The following CASTOR2 variants were observed in gnomAD, a reference collection of about 807,000 sequenced individuals.
CASTOR2 encodes cytosolic arginine sensor for mTORC1 subunit 2, also known as GATS protein like 2.
A neutral mutation model predicts 31.2 loss-of-function variants in CASTOR2; 8 were observed. That is an observed-to-expected ratio of 0.26 (90% confidence interval 0.15 to 0.46). The LOEUF is 0.46. Among genes scored for constraint, CASTOR2 ranks in the 20% least tolerant of loss-of-function variants. The pLI, the probability that CASTOR2 is intolerant of heterozygous loss-of-function variation, is 0.99. For missense variants in CASTOR2, 216 were observed against 382.1 expected, an observed-to-expected ratio of 0.57 and a Z score of 3.62; for synonymous variants, 162 against 158.7, an observed-to-expected ratio of 1.02 and a Z score of -0.16.
Position 74,996,035 on chromosome 7 carries a change from G to C in CASTOR2, c.114-11959G>C, listed in dbSNP as rs1393688050. On this transcript the variant is annotated intron_variant, in intron 1 of 8. Transcript: ENST00000616305. ...TTCTGAGAGGGTGCCCTCCCCAGTT[G>C]GTCTGTGTCTTAGGAAATCTGGGGT... Among the ~76,000 whole-genome samples the C allele has an allele frequency of 9.1e-4, 139 of 152,198 alleles. 1 individual carries two copies. The highest frequency in any genetic ancestry group is 3.2e-3 in the African/African-American group (131 of 41,530).
chr7:75,022,338 C>T (rs2131957655), intron 7 of CASTOR2, among the ~76,000 whole-genome samples: 1 of 152,192 alleles, frequency 6.6e-6, no homozygotes, highest in East Asian at 1.9e-4. Flanking sequence ...GGCCCTGTCT[C>T]TACCAAAATT....
chr7:75,023,499 G>T (rs1189650899), intron 7 of CASTOR2, among the ~76,000 whole-genome samples: 1 of 144,898 alleles, frequency 6.9e-6, no homozygotes, highest in Non-Finnish European at 1.5e-5. Context: ...TTTGAGACCG[G>T]ATCTTGCTCT....
At chr7:75,009,683 T>TA (rs1804694144) in intron 2 of CASTOR2, among the ~76,000 whole-genome samples, 1 of 150,884 alleles carries the variant, frequency 6.6e-6, no homozygotes, top group Non-Finnish European at 1.5e-5. Flanking sequence ...ACCCCATGTG[T>TA]GTACAGCCAC....
chr7:75,007,533 T>C (rs1177773026), intron 1 of CASTOR2, among the ~76,000 whole-genome samples: 1 of 151,936 alleles, frequency 6.6e-6, no homozygotes, highest in Non-Finnish European at 1.5e-5. Context: ...GAATTAGGCA[T>C]TTTTATGACT....
chr7:74,999,906 C>T (rs1804454019), intron 1 of CASTOR2, among the ~76,000 whole-genome samples: 1 of 152,250 alleles, frequency 6.6e-6, no homozygotes, highest in Non-Finnish European at 1.5e-5. Flanking sequence ...AGCCACTGCG[C>T]CCGGCCACTC....
At chr7:75,006,439 G>A (rs1804607539) in intron 1 of CASTOR2, among the ~76,000 whole-genome samples, 1 of 152,168 alleles carries the variant, frequency 6.6e-6, no homozygotes, top group Admixed American at 6.5e-5. Context: ...TATAGATGAG[G>A]GGGCTGCAGG....
intron 1 of CASTOR2, among the ~76,000 whole-genome samples, chr7:74,992,868 A>T (rs1554437511): frequency 0.099 from 14,933 of 150,478 alleles, 2,449 homozygotes; most frequent in African/African-American, 0.34. Context: ...GCACCACTGC[A>T]CTCCAGCCTG....
Position 75,024,818 on chromosome 7 carries a change from T to C in CASTOR2, c.*119T>C. On this transcript the variant is annotated 3_prime_UTR_variant, in exon 9 of 9. Transcript: ENST00000616305. ...GCCTGGGGACCCTGAGGAAGGGGCC[T>C]CTGTGGGAGACTCCCTCGATTGCCA... 6.5e-7 allele frequency: 1 copy of C among 1,548,742 alleles called. No individual in the cohort carries two copies.
At chr7:75,013,472 GT>G (rs372209173) in intron 2 of CASTOR2, among the ~76,000 whole-genome samples, 16,954 of 151,802 alleles carry the variant, frequency 0.11, 3,119 homozygotes, top group African/African-American at 0.38. Context: ...GCAAAGCCCC[GT>G]CTCTACAAAC....
At chr7:74,998,590 G>C in intron 1 of CASTOR2, among the ~76,000 whole-genome samples, 1 of 111,438 alleles carries the variant, frequency 9.0e-6, no homozygotes, top group Non-Finnish European at 1.9e-5. Context: ...GCGACAGTGA[G>C]ACTCCATCTC....
rs1394104390 is a variant in CASTOR2 at position 75,027,048 on chromosome 7, C to T, written c.*2349C>T. Reference sequence around the variant, plus strand: ...GTGCGCAGTCCGTGGACACAGCCCCCCGCTGTGTGTGCACACGTGTATGGG... The same window carrying T: ...GTGCGCAGTCCGTGGACACAGCCCCTCGCTGTGTGTGCACACGTGTATGGG... On this transcript the variant is annotated 3_prime_UTR_variant, in exon 9 of 9. Coordinates refer to ENST00000616305, the MANE Select transcript of CASTOR2 (RefSeq NM_001145064.3). 1.3e-5 allele frequency: 2 copies of T among 152,236 alleles called. No individual in the cohort carries two copies. The highest frequency in any genetic ancestry group is 4.8e-5 in the African/African-American group (2 of 41,456). The allele number at this position is 152,236 out of a possible 1,614,324, so 9.4% of individuals were successfully genotyped here. A position where few individuals can be genotyped will look rare whatever the true frequency, so the allele number is the denominator to read the frequency against.
chr7:74,994,093 GC>G (rs1176399927), intron 1 of CASTOR2, among the ~76,000 whole-genome samples: 3 of 152,190 alleles, frequency 2.0e-5, no homozygotes, highest in African/African-American at 4.8e-5. Context: ...TGTCAGCCGG[GC>G]CGTCCACAAC....
At chr7:74,981,684 C>G (rs1554436291) in intron 1 of CASTOR2, among the ~76,000 whole-genome samples, 1 of 151,442 alleles carries the variant, frequency 6.6e-6, no homozygotes, top group East Asian at 1.9e-4. Flanking sequence ...ACCTTGGCCT[C>G]CTAAAGTGCT....
chr7:74,986,257 G>GT, intron 1 of CASTOR2, among the ~76,000 whole-genome samples: 1 of 150,664 alleles, frequency 6.6e-6, no homozygotes, highest in Non-Finnish European at 1.5e-5. Context: ...CATGCCTGTG[G>GT]GGGGTGGATC....
intron 2 of CASTOR2, among the ~76,000 whole-genome samples, chr7:75,015,854 G>A (rs1199725162): frequency 2.0e-5 from 3 of 152,042 alleles, no homozygotes; most frequent in Admixed American, 1.3e-4. Flanking sequence ...ATCACTTGAG[G>A]CCAGGAGTTT....
intron 1 of CASTOR2, among the ~76,000 whole-genome samples, chr7:74,967,810 C>T (rs1242653847): frequency 1.8e-5 from 1 of 56,004 alleles, no homozygotes; most frequent in African/African-American, 7.5e-5. Flanking sequence ...GCTGGGATTA[C>T]AGGCGTGAGC....
chr7:74,986,975 G>C (rs1265199705), intron 1 of CASTOR2, among the ~76,000 whole-genome samples: 19 of 152,190 alleles, frequency 1.2e-4, no homozygotes, highest in African/African-American at 4.3e-4. Context: ...AGAATCTCTT[G>C]AGCCCAGGAG....
At position 75,026,194 on chromosome 7, in the gene CASTOR2, T is replaced by A. The variant is rs1201108080; in HGVS notation, c.*1495T>A. Among the ~76,000 whole-genome samples, 2 of 145,684 alleles carry A rather than the reference T, an allele frequency of 1.4e-5. No individual in the cohort carries two copies. Among genetic ancestry groups the A allele is most frequent in the Non-Finnish European group, 3.0e-5 (2 of 65,692 alleles). ...TGGTTTTGGCTCTGGCGGGGGTTTT[T>A]TTTTTTTTTTTTGAGATGGGAGTCT... On this transcript the variant is annotated 3_prime_UTR_variant, in exon 9 of 9. Transcript: ENST00000616305.
intron 2 of CASTOR2, among the ~76,000 whole-genome samples, chr7:75,012,746 C>T (rs1421370949): frequency 6.6e-6 from 1 of 152,070 alleles, no homozygotes; most frequent in East Asian, 1.9e-4. Context: ...TCAAGCGATT[C>T]TCCTGCCTCA....
Sources: gnomAD v4.1 joint callset for allele counts (sites outside exome capture counted in the v4.1 genomes callset) on GRCh38, gnomAD v4.1.1 for gene constraint, MANE v1.5 for transcripts, NCBI Gene and HGNC (gene_info 2026-07-23, HGNC 2026-07-21) for gene names.